RNF180: variants seen among roughly 807,000 people sequenced by gnomAD.
RNF180 encodes the protein ring finger protein 180, also known as E3 ubiquitin-protein ligase RNF180.
In RNF180, 38 loss-of-function variants were observed where a neutral mutation model predicts 59.2. The ratio of observed to expected loss-of-function variants is 0.64; its 90% CI spans 0.50 to 0.84. The LOEUF (loss-of-function observed/expected upper bound fraction) is 0.84, where lower values mean the gene tolerates loss of function less well. RNF180 is among the 40% of genes least tolerant of loss of function. The pLI is 0.00. For missense variants in RNF180, 705 were observed against 700.9 expected (o/e 1.01, Z -0.07); for synonymous variants, 262 against 240.3 (o/e 1.09, Z -0.84).
chr5:64,184,388 T>C (rs530463033), intron 1 of RNF180, among the ~76,000 whole-genome samples: 21 of 152,324 alleles, frequency 1.4e-4, no homozygotes, highest in African/African-American at 4.8e-4. Context: ...TTTTTCTAAT[T>C]GTTTAACATC....
intron 5 of RNF180, among the ~76,000 whole-genome samples, chr5:64,266,262 A>G (rs868633224): frequency 6.6e-6 from 1 of 152,124 alleles, no homozygotes. Context: ...ATATGTGTCA[A>G]TGCCACATAG....
At position 64,353,221 on chromosome 5, in the gene RNF180, A is replaced by G. The variant is rs904259111; in HGVS notation, c.1580-16394A>G. 3.9e-5 allele frequency among the ~76,000 whole-genome samples: 6 copies of G among 151,938 alleles called. No homozygotes were observed. In the East Asian group the frequency reaches 9.7e-4, roughly 25 times the overall value. On this transcript the variant is annotated intron_variant, in intron 7 of 7. Transcript: ENST00000389100. ...GTATTCCATATTAACAGAAGAAAAA[A>G]CCTTTTCTGTTTATTACAGAAAAAC...
rs140959196 is a variant in RNF180, at chr5:64,364,069, CTCTT to C, written c.1580-5534_1580-5531del. Among the ~76,000 whole-genome samples the C allele has an allele frequency of 6.6e-5, 10 of 151,872 alleles. No homozygotes were observed. The East Asian group carries it at 1.6e-3, about 24-fold the overall frequency. ...GACTTCCTCTCTTCCTATTTGGATG[CTCTT>C]TCTTTCTTTCTCTTGCCTGATTGCT... On this transcript the variant is annotated intron_variant, in intron 7 of 7. Coordinates refer to ENST00000389100, the MANE Select transcript of RNF180 (RefSeq NM_001113561.2).
At chr5:64,204,704 T>G (rs1751928582) in intron 2 of RNF180, among the ~76,000 whole-genome samples, 1 of 152,182 alleles carries the variant, frequency 6.6e-6, no homozygotes, top group Non-Finnish European at 1.5e-5. Flanking sequence ...GTCCTTTATG[T>G]GTTGTACTGT....
At chr5:64,255,468 C>G (rs778803818) in intron 5 of RNF180, among the ~76,000 whole-genome samples, 1 of 151,980 alleles carries the variant, frequency 6.6e-6, no homozygotes. Context: ...TTTGTCCTTG[C>G]GATAGTTTGC....
chr5:64,305,402 C>T (rs1410951837), intron 5 of RNF180, among the ~76,000 whole-genome samples: 2 of 151,400 alleles, frequency 1.3e-5, no homozygotes, highest in African/African-American at 2.4e-5. Flanking sequence ...GAAACCAGAT[C>T]ATTTCCTTCT....
chr5:64,310,319 C>A (rs1743700069), intron 5 of RNF180, among the ~76,000 whole-genome samples: 1 of 151,770 alleles, frequency 6.6e-6, no homozygotes, highest in Non-Finnish European at 1.5e-5. Context: ...ACTTTCATTT[C>A]AGCCACTTCC....
intron 5 of RNF180, among the ~76,000 whole-genome samples, chr5:64,258,204 ACTT>A (rs1744101476): frequency 6.6e-6 from 1 of 152,200 alleles, no homozygotes; most frequent in East Asian, 1.9e-4. Context: ...ATATGGGGAC[ACTT>A]ATGACTGGAT....
chr5:64,317,534 A>G (rs1404927486), intron 5 of RNF180, among the ~76,000 whole-genome samples: 1 of 148,424 alleles, frequency 6.7e-6, no homozygotes, highest in Non-Finnish European at 1.5e-5. Context: ...AGGTGTATAT[A>G]TATGTATATT....
intron 7 of RNF180, among the ~76,000 whole-genome samples, chr5:64,353,669 CTG>C (rs1222952250): frequency 2.0e-5 from 3 of 151,734 alleles, no homozygotes; most frequent in Non-Finnish European, 4.4e-5. Flanking sequence ...ATATGTAAAT[CTG>C]TGTTTACTTT....
intron 7 of RNF180, among the ~76,000 whole-genome samples, chr5:64,366,688 G>C (rs1370113845): frequency 6.6e-6 from 1 of 151,184 alleles, no homozygotes; most frequent in African/African-American, 2.4e-5. Flanking sequence ...CAAAAATAAA[G>C]AAAAAAAGAA....
intron 2 of RNF180, among the ~76,000 whole-genome samples, chr5:64,207,129 T>C (rs903263565): frequency 2.0e-5 from 3 of 151,880 alleles, no homozygotes; most frequent in Non-Finnish European, 4.4e-5. Flanking sequence ...ATATTAAAAG[T>C]TTGATATTTA....
chr5:64,347,345 T>G (rs1745596547), intron 7 of RNF180, among the ~76,000 whole-genome samples: 1 of 152,170 alleles, frequency 6.6e-6, no homozygotes, highest in African/African-American at 2.4e-5. Flanking sequence ...GAGGAGTGGT[T>G]TAAAATGGAT....
chr5:64,219,457 G>C (rs551845000), intron 5 of RNF180, among the ~76,000 whole-genome samples: 1 of 152,034 alleles, frequency 6.6e-6, no homozygotes, highest in African/African-American at 2.4e-5. Context: ...ACTAGGGTAT[G>C]ATGGCCTTAT....
At chr5:64,355,610 T>C (rs1420760278) in intron 7 of RNF180, among the ~76,000 whole-genome samples, 11 of 151,710 alleles carry the variant, frequency 7.3e-5, no homozygotes, top group Admixed American at 2.0e-4. Context: ...CCAAAAAAAA[T>C]CCTGAAAAGA....
intron 5 of RNF180, among the ~76,000 whole-genome samples, chr5:64,283,501 A>C (rs548687275): frequency 2.6e-5 from 4 of 151,980 alleles, no homozygotes; most frequent in Non-Finnish European, 5.9e-5. Context: ...TCCCCACTCA[A>C]ATTTCACCTT....
chr5:64,317,594 TTATACACACACACACACACACACATA>T (rs1744112693), intron 5 of RNF180, among the ~76,000 whole-genome samples: 2 of 101,420 alleles, frequency 2.0e-5, no homozygotes, highest in Admixed American at 1.0e-4. Context: ...ATATACATAT[TTATACACACACACACACACACACATA>T]TATACACACA....
intron 5 of RNF180, among the ~76,000 whole-genome samples, chr5:64,242,953 G>C (rs1030677305): frequency 6.6e-6 from 1 of 152,236 alleles, no homozygotes; most frequent in Non-Finnish European, 1.5e-5. Context: ...CCAAAGCAGG[G>C]TGGGGCATCA....
intron 5 of RNF180, among the ~76,000 whole-genome samples, chr5:64,268,513 C>A (rs1256812778): frequency 6.6e-6 from 1 of 152,092 alleles, no homozygotes; most frequent in African/African-American, 2.4e-5. Context: ...TATGTATGCT[C>A]TGCTGACATT....
Sources: gnomAD v4.1 joint callset for allele counts (sites outside exome capture counted in the v4.1 genomes callset) on GRCh38, gnomAD v4.1.1 for gene constraint, MANE v1.5 for transcripts, NCBI Gene and HGNC (gene_info 2026-07-23, HGNC 2026-07-21) for gene names.